PTK2B: variants seen among roughly 807,000 people sequenced by gnomAD.
The protein encoded by PTK2B is protein tyrosine kinase 2 beta.
A neutral mutation model predicts 142.9 loss-of-function variants in PTK2B; 71 were observed. That is an observed-to-expected ratio of 0.50 (90% CI 0.41 to 0.61). The LOEUF (loss-of-function observed/expected upper bound fraction) is 0.61, where lower values mean the gene tolerates loss of function less well. Among genes scored for constraint, PTK2B ranks in the 20% least tolerant of loss-of-function variants. The probability of loss-of-function intolerance (pLI) is 0.00; values close to 1 mark genes in which losing one functional copy is unlikely to be tolerated. For missense variants in PTK2B, 1,105 were observed against 1,320.4 expected (o/e 0.84, Z 2.53); for synonymous variants, 519 against 503.4 (o/e 1.03, Z -0.42).
chr8:27,383,592 C>G (rs914511963), intron 1 of PTK2B, among the ~76,000 whole-genome samples: 4 of 152,006 alleles, frequency 2.6e-5, no homozygotes, highest in African/African-American at 9.7e-5. Flanking sequence ...TTTATAGTTT[C>G]CATCATAAAG....
At chr8:27,345,189 T>TG (rs1043360181) in intron 1 of PTK2B, among the ~76,000 whole-genome samples, 3 of 152,178 alleles carry the variant, frequency 2.0e-5, no homozygotes, top group African/African-American at 7.2e-5. Context: ...GGTCAGATCA[T>TG]GGGGGCATTC....
At chr8:27,336,625 T>C (rs1355039180) in intron 1 of PTK2B, among the ~76,000 whole-genome samples, 1 of 152,254 alleles carries the variant, frequency 6.6e-6, no homozygotes, top group Non-Finnish European at 1.5e-5. Flanking sequence ...AATCACATGC[T>C]AATAACAATA....
At chr8:27,355,188 T>A (rs1805328403) in intron 1 of PTK2B, among the ~76,000 whole-genome samples, 1 of 152,200 alleles carries the variant, frequency 6.6e-6, no homozygotes, top group African/African-American at 2.4e-5. Context: ...AAGTTAAGGA[T>A]AGTGGAATGG....
Position 27,341,053 on chromosome 8 carries a change from C to T in PTK2B, c.-38+15372C>T, listed in dbSNP as rs371655020. On this transcript the variant is annotated intron_variant, in intron 1 of 30. Coordinates refer to ENST00000346049, the MANE Select transcript of PTK2B (RefSeq NM_173176.3). ...GGCCTGGCAGCTATTTTTGCCCCAA[C>T]AATTGGGCTCAGCTATTCCATCGGG... Among the ~76,000 whole-genome samples, 26 of 152,226 alleles carry T rather than the reference C, an allele frequency of 1.7e-4. No homozygotes were observed. The East Asian group carries it at 1.9e-3, about 11-fold the overall frequency.
rs1325847769 is a variant in PTK2B at position 27,431,433 on chromosome 8, C to T, written c.846C>T (p.Gly282=). The T allele has an allele frequency of 1.9e-6, 3 of 1,614,110 alleles. No homozygotes were observed. The highest frequency in any genetic ancestry group is 2.7e-5 in the African/African-American group (2 of 74,944). The part of the protein sequence containing the change: ...GWNITVDLVI[G]PKGIRQLTSQ... ...ACATTACTGTGGACCTGGTCATTGGCCCTAAAGGGATCCGCCAGCTGACTA... is the reference window on the plus strand; with the variant it reads ...ACATTACTGTGGACCTGGTCATTGGTCCTAAAGGGATCCGCCAGCTGACTA... The change falls in exon 9 of 31, where the codon GGC becomes GGT. Residue 282 remains glycine (G), a synonymous_variant. Transcript: ENST00000346049.
intron 1 of PTK2B, among the ~76,000 whole-genome samples, chr8:27,330,286 C>T (rs1204504232): frequency 6.6e-6 from 1 of 152,164 alleles, no homozygotes; most frequent in African/African-American, 2.4e-5. Context: ...CACATATGGC[C>T]ATATCTGAGC....
intron 6 of PTK2B, 83 bp from the exon 7 acceptor site, chr8:27,430,281 C>T: frequency 6.3e-7 from 1 of 1,598,536 alleles, no homozygotes; most frequent in Non-Finnish European, 8.6e-7. Context: ...TCCCAAAGCC[C>T]TCTCACCTCT....
At chr8:27,329,440 G>A (rs556796260) in intron 1 of PTK2B, among the ~76,000 whole-genome samples, 3 of 152,240 alleles carry the variant, frequency 2.0e-5, no homozygotes, top group Admixed American at 6.5e-5. Context: ...GAAACTGATG[G>A]TGAGGCTAGG....
intron 1 of PTK2B, among the ~76,000 whole-genome samples, chr8:27,350,254 G>C (rs181748034): frequency 6.6e-6 from 1 of 152,186 alleles, no homozygotes; most frequent in Non-Finnish European, 1.5e-5. Context: ...AAGGCGTAAC[G>C]TAAGTCACAG....
At chr8:27,452,187 T>C (rs1811859624) in intron 27 of PTK2B, 1 of 152,446 alleles carries the variant, frequency 6.6e-6, no homozygotes, top group African/African-American at 2.4e-5. Context: ...TTAGGGTCCC[T>C]TCTGAGCTCA....
chr8:27,381,006 A>G (rs1386556027), intron 1 of PTK2B, among the ~76,000 whole-genome samples: 3 of 152,244 alleles, frequency 2.0e-5, no homozygotes, highest in Non-Finnish European at 2.9e-5. Context: ...ATGCTGTATT[A>G]GATACTTCAG....
chr8:27,420,744 G>A lies in PTK2B; in HGVS notation c.471G>A (p.Gln157=), dbSNP rs751862056. 9.3e-6 allele frequency: 15 copies of A among 1,608,222 alleles called. No homozygotes were observed. The highest frequency in any genetic ancestry group is 1.3e-5 in the Non-Finnish European group (15 of 1,174,858). The change falls in exon 4 of 31, where the codon CAG becomes CAA. Residue 157 remains glutamine (Q), a splice_region_variant and synonymous_variant. Transcript: ENST00000346049. The part of the protein sequence containing the change: ...DRTTLLYFYQ[Q]LRNDYMQRYA... The stretch of plus-strand genomic sequence containing the variant: ...CCACGCTGCTCTATTTTTACCAACA[G>A]GTAAAAAGTACTTTATCTTCTTGCC...
intron 5 of PTK2B, among the ~76,000 whole-genome samples, chr8:27,427,857 A>G (rs1179856729): frequency 6.6e-6 from 1 of 152,146 alleles, no homozygotes; most frequent in East Asian, 1.9e-4. Context: ...GAGGCCCCCA[A>G]CCTTTTGGGC....
At chr8:27,320,980 CTTTT>C (rs776395346), upstream of PTK2B, among the ~76,000 whole-genome samples, 275 of 39,336 alleles carry the variant, frequency 7.0e-3, 2 homozygotes, top group African/African-American at 0.025. Context: ...ATACAAAAGG[CTTTT>C]TTTTTTTTTT....
chr8:27,430,070 C>G, intron 5 of PTK2B, 23 bp from the exon 6 acceptor site: 10 of 1,608,922 alleles, frequency 6.2e-6, no homozygotes, highest in Non-Finnish European at 7.7e-6. Context: ...TTCAGCCTCC[C>G]TCTCCACCAC....
At chr8:27,339,476 A>C (rs1804264064) in intron 1 of PTK2B, among the ~76,000 whole-genome samples, 1 of 152,196 alleles carries the variant, frequency 6.6e-6, no homozygotes. Flanking sequence ...AAAATGTGTC[A>C]GCTGGCAAAT....
intron 1 of PTK2B, among the ~76,000 whole-genome samples, chr8:27,353,197 A>C (rs1431011008): frequency 6.6e-6 from 1 of 152,174 alleles, no homozygotes; most frequent in Non-Finnish European, 1.5e-5. Flanking sequence ...GACCCAGAAG[A>C]TTTACGGTAT....
Position 27,437,191 on chromosome 8 carries a change from T to A in PTK2B, c.1411T>A (p.Phe471Ile). The A allele has an allele frequency of 6.2e-7, 1 of 1,613,680 alleles. No homozygotes were observed. The highest frequency in any genetic ancestry group is 8.5e-7 in the Non-Finnish European group (1 of 1,179,836). ...KDCTLDNKEK[F>I]MSEAVIMKNL... Reference sequence around the variant, plus strand: ...CTGCACTCTGGACAACAAGGAGAAGTTCATGAGCGAGGCAGGTAGGGACCC... The same window carrying A: ...CTGCACTCTGGACAACAAGGAGAAGATCATGAGCGAGGCAGGTAGGGACCC... Residue 471 changes from phenylalanine (F) to isoleucine (I), a missense_variant, in exon 16 of 31, where the codon TTC becomes ATC. By Grantham distance (21) the Phe-to-Ile change is conservative (BLOSUM62 0). Coordinates refer to ENST00000346049, the MANE Select transcript of PTK2B (RefSeq NM_173176.3).
chr8:27,354,730 G>A (rs1254647899), intron 1 of PTK2B, among the ~76,000 whole-genome samples: 2 of 152,180 alleles, frequency 1.3e-5, no homozygotes, highest in East Asian at 1.9e-4. Flanking sequence ...CCGCTGGGCT[G>A]TTTGATGATT....
Sources: allele counts gnomAD v4.1 joint callset (sites outside exome capture counted in the v4.1 genomes callset), GRCh38; gene constraint gnomAD v4.1.1; transcripts MANE v1.5; gene names NCBI Gene and HGNC (gene_info 2026-07-23, HGNC 2026-07-21).